ANKS1B: variants seen among roughly 807,000 people sequenced by gnomAD.
The protein encoded by ANKS1B is ankyrin repeat and sterile alpha motif domain containing 1B.
In ANKS1B, 36 loss-of-function variants were observed where a neutral mutation model predicts 148.3. The ratio of observed to expected loss-of-function variants is 0.24; its 90% CI spans 0.19 to 0.32. The LOEUF (loss-of-function observed/expected upper bound fraction) is 0.32, where lower values mean the gene tolerates loss of function less well. Among genes scored for constraint, ANKS1B ranks in the 10% least tolerant of loss-of-function variants. The pLI is 1.00. For missense variants in ANKS1B, 1,157 were observed against 1,542.6 expected, an observed-to-expected ratio of 0.75 and a Z score of 4.19; for synonymous variants, 542 against 560.8, an observed-to-expected ratio of 0.97 and a Z score of 0.47.
chr12:99,773,305 C>T (rs1439216258), intron 7 of ANKS1B, among the ~76,000 whole-genome samples: 1 of 151,932 alleles, frequency 6.6e-6, no homozygotes. Context: ...TATTCTTTTT[C>T]AAAATAGAAA....
chr12:99,543,229 A>G (rs572849097), intron 9 of ANKS1B, among the ~76,000 whole-genome samples: 49 of 152,244 alleles, frequency 3.2e-4, no homozygotes, highest in Middle Eastern at 6.8e-3. Flanking sequence ...AATACTAAAC[A>G]TCATTAGTCA....
At chr12:98,794,985 AT>A in intron 22 of ANKS1B, 1 of 1,008,458 alleles carries the variant, frequency 9.9e-7, no homozygotes. Context: ...CTCTGTAACC[AT>A]TTCTTTTATG....
intron 14 of ANKS1B, among the ~76,000 whole-genome samples, chr12:99,181,640 G>A (rs2079123186): frequency 6.6e-6 from 1 of 151,862 alleles, no homozygotes; most frequent in Non-Finnish European, 1.5e-5. Context: ...GAAAGTTTTA[G>A]GTATTTTCTT....
intron 2 of ANKS1B, among the ~76,000 whole-genome samples, chr12:99,823,204 T>C (rs2082718717): frequency 6.6e-6 from 1 of 152,234 alleles, no homozygotes; most frequent in Non-Finnish European, 1.5e-5. Context: ...CTTTGGTAGA[T>C]GCATAGTTTA....
In ANKS1B at chr12:99,233,646, A is replaced by T. The variant is rs76728748; in HGVS notation, c.2419+10696T>A. Among the ~76,000 whole-genome samples, 594 of 152,296 alleles carry T rather than the reference A, an allele frequency of 3.9e-3. 22 individuals are homozygous for T. The East Asian group carries it at 0.079, about 20-fold the overall frequency. On this transcript the variant is annotated intron_variant, in intron 14 of 26. Transcript: ENST00000683438. ...GAATTAATAAGTTCTGAGAATCAAA[A>T]GGACTGACCTCAAACAAATTCAGGA...
At chr12:99,367,827 A>C (rs1299659593) in intron 12 of ANKS1B, among the ~76,000 whole-genome samples, 1 of 151,978 alleles carries the variant, frequency 6.6e-6, no homozygotes, top group Non-Finnish European at 1.5e-5. Context: ...AAAATTCTTA[A>C]AAATGATAAC....
intron 25 of ANKS1B, among the ~76,000 whole-genome samples, chr12:98,760,621 G>T (rs2153436151): frequency 6.6e-6 from 1 of 152,290 alleles, no homozygotes; most frequent in East Asian, 1.9e-4. Flanking sequence ...CCAGGAAGCT[G>T]CCCATTCATT....
chr12:98,870,513 C>T (rs1426296297), intron 17 of ANKS1B, among the ~76,000 whole-genome samples: 1 of 152,236 alleles, frequency 6.6e-6, no homozygotes, highest in Non-Finnish European at 1.5e-5. Context: ...TAAACCACCA[C>T]TTTCAGGCCT....
chr12:99,500,619 T>G (rs1469245431), intron 10 of ANKS1B, among the ~76,000 whole-genome samples: 1 of 152,144 alleles, frequency 6.6e-6, no homozygotes, highest in Non-Finnish European at 1.5e-5. Context: ...AATAGATAAC[T>G]GATACAGGCA....
At chr12:99,918,876 AAC>A (rs2094257697) in intron 1 of ANKS1B, among the ~76,000 whole-genome samples, 1 of 152,158 alleles carries the variant, frequency 6.6e-6, no homozygotes, top group African/African-American at 2.4e-5. Flanking sequence ...AACATACCTA[AAC>A]ACACACACAA....
At chr12:99,653,224 A>T (rs549256957) in intron 9 of ANKS1B, among the ~76,000 whole-genome samples, 1 of 152,312 alleles carries the variant, frequency 6.6e-6, no homozygotes, top group East Asian at 1.9e-4. Context: ...AAATGTTAGT[A>T]AGGTGGTAGA....
chr12:99,913,796 C>G (rs770989497), intron 1 of ANKS1B, among the ~76,000 whole-genome samples: 25 of 151,588 alleles, frequency 1.6e-4, no homozygotes, highest in Middle Eastern at 6.8e-3. Context: ...GGAGAACTCA[C>G]TAATTAAAGG....
At chr12:99,469,604 T>G (rs942772430) in intron 10 of ANKS1B, among the ~76,000 whole-genome samples, 4 of 152,090 alleles carry the variant, frequency 2.6e-5, no homozygotes, top group Non-Finnish European at 5.9e-5. Context: ...ACAGTCAGAG[T>G]ATTACGGACA....
At chr12:98,909,040 A>G (rs943292253) in intron 17 of ANKS1B, among the ~76,000 whole-genome samples, 2 of 152,210 alleles carry the variant, frequency 1.3e-5, no homozygotes, top group African/African-American at 4.8e-5. Flanking sequence ...CGTTGGCACA[A>G]GTGAAAACAG....
chr12:99,626,510 C>G (rs1422621952), intron 9 of ANKS1B, among the ~76,000 whole-genome samples: 1 of 152,146 alleles, frequency 6.6e-6, no homozygotes, highest in Non-Finnish European at 1.5e-5. Context: ...CCCCATCTAT[C>G]AGAGCATTTC....
chr12:99,290,740 T>G (rs959887225), intron 12 of ANKS1B, among the ~76,000 whole-genome samples: 1 of 151,804 alleles, frequency 6.6e-6, no homozygotes, highest in African/African-American at 2.4e-5. Context: ...TAATAAAAAC[T>G]CTCAAAAAAC....
intron 14 of ANKS1B, among the ~76,000 whole-genome samples, chr12:99,180,941 T>G (rs1379396269): frequency 1.3e-5 from 2 of 152,194 alleles, no homozygotes; most frequent in African/African-American, 4.8e-5. Context: ...TGTCCTCATA[T>G]GACAGATGTC....
chr12:98,910,432 A>T (rs2099785179), intron 17 of ANKS1B, among the ~76,000 whole-genome samples: 1 of 152,234 alleles, frequency 6.6e-6, no homozygotes, highest in Admixed American at 6.5e-5. Flanking sequence ...GGGGATATTT[A>T]GCTTGTTGGC....
At chr12:99,367,259 C>T (rs941907947) in intron 12 of ANKS1B, among the ~76,000 whole-genome samples, 1 of 152,036 alleles carries the variant, frequency 6.6e-6, no homozygotes, top group Non-Finnish European at 1.5e-5. Context: ...GGGCAAAAGA[C>T]GTGGGCATTT....
Sources: allele counts gnomAD v4.1 joint callset (sites outside exome capture counted in the v4.1 genomes callset), GRCh38; gene constraint gnomAD v4.1.1; transcripts MANE v1.5; gene names NCBI Gene and HGNC (gene_info 2026-07-23, HGNC 2026-07-21).